LHX8: variants seen among roughly 807,000 people sequenced by gnomAD.
LHX8 encodes LIM homeobox 8.
LHX8 carries 12 observed loss-of-function variants against 40.3 expected under a neutral mutation model. The ratio of observed to expected loss-of-function variants is 0.30; its 90% CI spans 0.19 to 0.48. LHX8 has a LOEUF of 0.48. Ranked by LOEUF, LHX8 falls within the 20% of genes least tolerant of loss-of-function variation. The probability of loss-of-function intolerance (pLI) is 0.99; values close to 1 mark genes in which losing one functional copy is unlikely to be tolerated. For synonymous variants in LHX8, 179 were observed against 162.0 expected, an observed-to-expected ratio of 1.10 and a Z score of -0.80; for missense variants, 344 against 433.7, an observed-to-expected ratio of 0.79 and a Z score of 1.84.
intron 1 of LHX8, among the ~76,000 whole-genome samples, chr1:75,135,949 A>G (rs560382706): frequency 2.6e-5 from 4 of 152,324 alleles, no homozygotes; most frequent in South Asian, 2.1e-4. Context: ...TAAGTTTACG[A>G]AAGAGCTGCT....
Position 75,153,264 on chromosome 1 carries a change from C to T in LHX8, c.781-3629C>T, listed in dbSNP as rs187199958. On this transcript the variant is annotated intron_variant, in intron 7 of 8. Transcript: ENST00000356261. ...GGGACTACAGGTGCGTGATACCACACGCAGCTAATTTTTGTATTTTTTGGT... is the reference window on the plus strand; with the variant it reads ...GGGACTACAGGTGCGTGATACCACATGCAGCTAATTTTTGTATTTTTTGGT... Among the ~76,000 whole-genome samples, 9 of 152,144 alleles carry T rather than the reference C, an allele frequency of 5.9e-5. No homozygotes were observed. The South Asian group carries it at 1.0e-3, about 18-fold the overall frequency.
chr1:75,197,261 T>C, the LHX8 span, among the ~76,000 whole-genome samples: 1 of 152,326 alleles, frequency 6.6e-6, no homozygotes, highest in East Asian at 1.9e-4. Flanking sequence ...CTGGGAAATA[T>C]ACTTGTTGTT....
At chr1:75,140,687 G>C (rs185932007) in intron 3 of LHX8, among the ~76,000 whole-genome samples, 1 of 152,186 alleles carries the variant, frequency 6.6e-6, no homozygotes, top group East Asian at 1.9e-4. Flanking sequence ...TGTTCATAAA[G>C]ATTCCATTTA....
intron 8 of LHX8, among the ~76,000 whole-genome samples, chr1:75,157,608 C>G (rs1648805442): frequency 6.6e-6 from 1 of 152,206 alleles, no homozygotes. Flanking sequence ...CAATTATTAT[C>G]CTTTTCTCCC....
At chr1:75,177,918 A>G in the LHX8 span, among the ~76,000 whole-genome samples, 47 of 152,178 alleles carry the variant, frequency 3.1e-4, no homozygotes, top group Admixed American at 2.1e-3. Context: ...CCTTTTCTGC[A>G]TCTATTGAGA....
chr1:75,143,966 T>C lies in LHX8; in HGVS notation c.684+18T>C, dbSNP rs775836185. 27 of 1,604,470 alleles carry C rather than the reference T, an allele frequency of 1.7e-5. No individual in the cohort carries two copies. The highest frequency in any genetic ancestry group is 2.1e-5 in the Non-Finnish European group (25 of 1,171,970). On this transcript the variant is annotated intron_variant, in intron 6 of 8. Coordinates refer to ENST00000356261, the MANE Select transcript of LHX8 (RefSeq NM_001256114.2). ...AGCTTCAGGTAAGCATAACAATGAATTTTTTATTTTTGAAGCCCCTCCCAA... is the reference window on the plus strand; with the variant it reads ...AGCTTCAGGTAAGCATAACAATGAACTTTTTATTTTTGAAGCCCCTCCCAA...
intron 8 of LHX8, 181 bp from the exon 9 acceptor site, chr1:75,160,638 C>G: frequency 1.6e-6 from 1 of 613,606 alleles, no homozygotes; most frequent in East Asian, 2.8e-5. Context: ...TAAAACTGTT[C>G]CTGGACTCTC....
the LHX8 span, among the ~76,000 whole-genome samples, chr1:75,194,888 C>T: frequency 6.6e-6 from 1 of 152,120 alleles, no homozygotes; most frequent in African/African-American, 2.4e-5. Flanking sequence ...CCCAAACATT[C>T]CTCTTTATAA....
At chr1:75,181,800 G>C in the LHX8 span, among the ~76,000 whole-genome samples, 1 of 152,318 alleles carries the variant, frequency 6.6e-6, no homozygotes, top group East Asian at 1.9e-4. Flanking sequence ...GACAGCTGCA[G>C]ACCGGAGCTG....
At chr1:75,152,923 T>C (rs765723466) in intron 7 of LHX8, among the ~76,000 whole-genome samples, 26 of 152,242 alleles carry the variant, frequency 1.7e-4, no homozygotes, top group Non-Finnish European at 1.9e-4. Context: ...TAAGACCGTA[T>C]GTTTTTAGCT....
At chr1:75,152,245 G>T (rs954711065) in intron 7 of LHX8, among the ~76,000 whole-genome samples, 4 of 152,172 alleles carry the variant, frequency 2.6e-5, no homozygotes, top group Non-Finnish European at 5.9e-5. Context: ...GAGGAAACTG[G>T]TGTGATACGT....
the LHX8 span, among the ~76,000 whole-genome samples, chr1:75,169,978 A>C: frequency 2.5e-4 from 38 of 152,320 alleles, no homozygotes; most frequent in African/African-American, 8.2e-4. Context: ...GGAGCCTGCC[A>C]GCTATGCCAG....
At chr1:75,132,735 C>T (rs550573875), upstream of LHX8, 1 of 148,190 alleles carries the variant, frequency 6.7e-6, no homozygotes, top group East Asian at 2.0e-4. Flanking sequence ...CAGACAGTAC[C>T]CCAGATTCAC....
At chr1:75,130,764 T>G (rs1433880503), upstream of LHX8, 3 of 1,608,262 alleles carry the variant, frequency 1.9e-6, no homozygotes, top group Non-Finnish European at 2.6e-6. Context: ...CTAGAAGCAA[T>G]CTCCTAAAGT....
chr1:75,188,824 C>T, the LHX8 span, among the ~76,000 whole-genome samples: 13 of 152,200 alleles, frequency 8.5e-5, no homozygotes, highest in East Asian at 2.5e-3. Context: ...GATCTGGGCA[C>T]CAATGACTGT....
At chr1:75,140,298 A>C (rs747522123) in intron 3 of LHX8, among the ~76,000 whole-genome samples, 2 of 152,158 alleles carry the variant, frequency 1.3e-5, no homozygotes, top group African/African-American at 4.8e-5. Flanking sequence ...TTTTAGAACC[A>C]CTTATGATTA....
chr1:75,168,988 A>G, the LHX8 span, among the ~76,000 whole-genome samples: 1 of 152,250 alleles, frequency 6.6e-6, no homozygotes, highest in African/African-American at 2.4e-5. Flanking sequence ...AATATGTTCA[A>G]AAAGATGTGT....
At chr1:75,163,713 T>A (rs1648976667), downstream of LHX8, among the ~76,000 whole-genome samples, 5 of 152,176 alleles carry the variant, frequency 3.3e-5, no homozygotes, top group Admixed American at 1.3e-4. Flanking sequence ...AAGTCAAATA[T>A]TACCTACAAT....
Position 75,137,225 on chromosome 1 carries a change from T to C in LHX8, c.201T>C (p.Ser67=), listed in dbSNP as rs768607721. 1 of 1,613,636 alleles carries C rather than the reference T, an allele frequency of 6.2e-7. No homozygotes were observed. The highest frequency in any genetic ancestry group is 1.1e-5 in the South Asian group (1 of 91,062). ...CTCCTGGCAAGTGTGTGTGCAACAG[T>C]TGCGGCCTGGAGATCGTGGACAAAT... ...GCPPGKCVCN[S]CGLEIVDKYL... is the part of the protein sequence containing the mutation. The change falls in exon 3 of 9, where the codon AGT becomes AGC. Residue 67 remains serine (S), a synonymous_variant. Coordinates refer to ENST00000356261, the MANE Select transcript of LHX8 (RefSeq NM_001256114.2).
Sources: gnomAD v4.1 joint callset for allele counts (sites outside exome capture counted in the v4.1 genomes callset) on GRCh38, gnomAD v4.1.1 for gene constraint, MANE v1.5 for transcripts, NCBI Gene and HGNC (gene_info 2026-07-23, HGNC 2026-07-21) for gene names.